The following NRG1 variants were observed in gnomAD, a reference collection of about 807,000 sequenced individuals.
NRG1 encodes neuregulin 1, also known as pro-neuregulin-1, membrane-bound isoform.
A neutral mutation model predicts 63.8 loss-of-function variants in NRG1; 18 were observed. That is an observed-to-expected ratio of 0.28 (90% confidence interval 0.19 to 0.42). NRG1 has a LOEUF of 0.42. NRG1 is among the 10% of genes least tolerant of loss of function. The pLI is 1.00. For missense variants in NRG1, 762 were observed against 814.7 expected (o/e 0.94, Z 0.79); for synonymous variants, 302 against 301.3 (o/e 1.00, Z -0.02).
chr8:32,199,041 C>T (rs773202085), intron 1 of NRG1, among the ~76,000 whole-genome samples: 4 of 151,992 alleles, frequency 2.6e-5, no homozygotes, highest in African/African-American at 7.2e-5. Context: ...AGACTATGAC[C>T]GCTCTGCTTA....
intron 1 of NRG1, among the ~76,000 whole-genome samples, chr8:32,338,232 A>G (rs1456005892): frequency 1.3e-5 from 2 of 152,204 alleles, no homozygotes; most frequent in East Asian, 3.9e-4. Flanking sequence ...AAGAATAAAT[A>G]ACGTCTTTGC....
In NRG1 at chr8:32,034,874, A is replaced by AT. The variant is rs34186199; in HGVS notation, c.37+395453dup. ...TAGTCTAGCTAGTGGTCTATTTTTA[A>AT]TTTTTTTTTTCAAAAAAACAGCTCC... On this transcript the variant is annotated intron_variant, in intron 1 of 10. Transcript: ENST00000519301. Among the ~76,000 whole-genome samples, 1,197 of 143,262 alleles carry AT rather than the reference A, an allele frequency of 8.4e-3. 18 individuals carry two copies. Among genetic ancestry groups the AT allele is most frequent in the African/African-American group, 0.029 (1,129 of 38,314 alleles). 94.0% of individuals were successfully genotyped at this position (143,262 alleles called of 152,430 possible). A position where few individuals can be genotyped will look rare whatever the true frequency, so the allele number is the denominator to read the frequency against.
intron 1 of NRG1, among the ~76,000 whole-genome samples, chr8:31,697,973 G>A (rs960329491): frequency 2.7e-5 from 4 of 149,156 alleles, no homozygotes; most frequent in Non-Finnish European, 4.4e-5. Flanking sequence ...AACCTGAATC[G>A]CATTTTTCTC....
chr8:31,830,355 TTCCTTCCC>T (rs71539994), intron 1 of NRG1, among the ~76,000 whole-genome samples: 24,845 of 87,106 alleles, frequency 0.29, 3,577 homozygotes, highest in East Asian at 0.54. Context: ...CCTTCCTTCC[TTCCTTCCC>T]TCCTTCCCTC....
intron 1 of NRG1, among the ~76,000 whole-genome samples, chr8:32,135,132 AG>A (rs1327950085): frequency 6.6e-6 from 1 of 152,166 alleles, no homozygotes; most frequent in Non-Finnish European, 1.5e-5. Flanking sequence ...AAGAAAAGGT[AG>A]GAAGAAGGCT....
In NRG1 at chr8:31,826,450, G is replaced by A. The variant is rs933186600; in HGVS notation, c.37+187019G>A. Among the ~76,000 whole-genome samples, 32 of 152,204 alleles carry A rather than the reference G, an allele frequency of 2.1e-4. 1 individual carries two copies. The highest frequency in any genetic ancestry group is 1.2e-3 in the Admixed American group (18 of 15,294). ...CTACACATGCTCCCTCTTTCCTGTCGCCATGTAAGACATGCCTTTGCTCCT... is the reference window on the plus strand; with the variant it reads ...CTACACATGCTCCCTCTTTCCTGTCACCATGTAAGACATGCCTTTGCTCCT... On this transcript the variant is annotated intron_variant, in intron 1 of 10. Coordinates refer to the NRG1 transcript ENST00000519301.
intron 6 of NRG1, among the ~76,000 whole-genome samples, chr8:32,729,230 T>G (rs1412250793): frequency 6.6e-6 from 1 of 152,188 alleles, no homozygotes; most frequent in Non-Finnish European, 1.5e-5. Context: ...GCATTTTAAG[T>G]TTACTGTTGA....
intron 4 of NRG1, 23 bp from the exon 5 acceptor site, chr8:32,616,812 C>T (rs200199177): frequency 6.3e-7 from 1 of 1,594,512 alleles, no homozygotes; most frequent in East Asian, 2.2e-5. Flanking sequence ...AATAAAGCCT[C>T]ATTCCACTTT....
intron 1 of NRG1, among the ~76,000 whole-genome samples, chr8:31,861,467 A>G (rs765133121): frequency 3.9e-5 from 6 of 152,146 alleles, no homozygotes; most frequent in Non-Finnish European, 5.9e-5. Flanking sequence ...AACTCATTGT[A>G]TATGATTGAA....
chr8:32,730,710 G>A (rs1033004545), intron 6 of NRG1, among the ~76,000 whole-genome samples: 2 of 152,138 alleles, frequency 1.3e-5, no homozygotes, highest in Admixed American at 1.3e-4. Flanking sequence ...AGCAAATTGG[G>A]ATGAACCAGG....
At chr8:32,305,024 CATAAAA>C (rs1005974034) in intron 1 of NRG1, among the ~76,000 whole-genome samples, 1 of 151,696 alleles carries the variant, frequency 6.6e-6, no homozygotes, top group Non-Finnish European at 1.5e-5. Flanking sequence ...CCAATAAATA[CATAAAA>C]ATAAAAATAA....
chr8:32,679,009 C>A (rs1191709968), intron 5 of NRG1, among the ~76,000 whole-genome samples: 1 of 151,876 alleles, frequency 6.6e-6, no homozygotes, highest in Admixed American at 6.6e-5. Flanking sequence ...AAAAAAGTAG[C>A]CTGACTGGGT....
chr8:32,763,944 A>G, exon 12 of NRG1: 1 of 1,613,950 alleles, frequency 6.2e-7, no homozygotes, highest in Non-Finnish European at 8.5e-7. Flanking sequence ...GCTGCGGGAG[A>G]AGAAGTTTGA....
chr8:32,632,616 G>T (rs938082178), intron 5 of NRG1, among the ~76,000 whole-genome samples: 4 of 151,162 alleles, frequency 2.6e-5, no homozygotes, highest in Non-Finnish European at 5.9e-5. Context: ...TCTATCATAA[G>T]GATAAAAAAT....
intron 1 of NRG1, among the ~76,000 whole-genome samples, chr8:31,818,224 G>A (rs1174788172): frequency 6.6e-6 from 1 of 152,200 alleles, no homozygotes; most frequent in Non-Finnish European, 1.5e-5. Flanking sequence ...CTTATTGTCA[G>A]GTGCTGGGTC....
chr8:32,262,448 A>G (rs951800554), intron 1 of NRG1, among the ~76,000 whole-genome samples: 2 of 152,222 alleles, frequency 1.3e-5, no homozygotes, highest in South Asian at 2.1e-4. Context: ...GTAAAGTACT[A>G]GCGGTTTTGT....
intron 1 of NRG1, among the ~76,000 whole-genome samples, chr8:31,794,405 G>A (rs146262866): frequency 4.7e-4 from 71 of 151,332 alleles, no homozygotes; most frequent in African/African-American, 1.5e-3. Context: ...TGTTATAAAT[G>A]ATACAAAGAT....
chr8:32,076,637 G>T (rs1355784375), intron 1 of NRG1, among the ~76,000 whole-genome samples: 1 of 151,580 alleles, frequency 6.6e-6, no homozygotes, highest in Non-Finnish European at 1.5e-5. Flanking sequence ...TAATACCTGG[G>T]TGATAAGATA....
chr8:32,531,542 A>G (rs1373543286), intron 1 of NRG1, among the ~76,000 whole-genome samples: 2 of 152,194 alleles, frequency 1.3e-5, no homozygotes, highest in Non-Finnish European at 2.9e-5. Context: ...AAATCTTAAA[A>G]AGGGAAACTA....
Sources: gnomAD v4.1 joint callset for allele counts (sites outside exome capture counted in the v4.1 genomes callset) on GRCh38, gnomAD v4.1.1 for gene constraint, MANE v1.5 for transcripts, NCBI Gene and HGNC (gene_info 2026-07-23, HGNC 2026-07-21) for gene names.